ILRUN: variants seen among roughly 807,000 people sequenced by gnomAD.
The protein encoded by ILRUN is protein ILRUN.
Under a neutral mutation model 33.8 loss-of-function variants are expected in ILRUN, and 3 were observed. That is an observed-to-expected ratio of 0.09 (90% CI 0.04 to 0.23). ILRUN has a LOEUF of 0.23. Among genes scored for constraint, ILRUN ranks in the 10% least tolerant of loss-of-function variants. ILRUN has a pLI of 1.00. For missense variants in ILRUN, 210 were observed against 375.1 expected, an observed-to-expected ratio of 0.56 and a Z score of 3.64; for synonymous variants, 124 against 138.9, an observed-to-expected ratio of 0.89 and a Z score of 0.75.
intron 3 of ILRUN, among the ~76,000 whole-genome samples, chr6:34,643,785 C>G (rs193095532): frequency 6.6e-6 from 1 of 152,252 alleles, no homozygotes; most frequent in African/African-American, 2.4e-5. Context: ...TCATGGCAAC[C>G]TCCACCTCCC....
At chr6:34,683,454 A>ATATATATACG (rs1763430639) in intron 1 of ILRUN, among the ~76,000 whole-genome samples, 1 of 101,306 alleles carries the variant, frequency 9.9e-6, no homozygotes, top group African/African-American at 6.4e-5. Flanking sequence ...ATATATATAC[A>ATATATATACG]TATATATACA....
rs557568288 is a variant in ILRUN at position 34,630,254 on chromosome 6, G to C, written c.511+16347C>G. On this transcript the variant is annotated intron_variant, in intron 3 of 4. Coordinates refer to ENST00000374023, the MANE Select transcript of ILRUN (RefSeq NM_024294.4). ...GAATGGAATGCAATTTAAAACTTAA[G>C]AACTGTTTATTTCTGGAATTTTCCA... Among the ~76,000 whole-genome samples the C allele has an allele frequency of 2.0e-5, 3 of 152,252 alleles. No individual in the cohort carries two copies. In the East Asian group the frequency reaches 5.8e-4, roughly 29 times the overall value.
Position 34,590,535 on chromosome 6 carries a change from T to C in ILRUN, c.*30A>G. 1 of 1,613,870 alleles carries C rather than the reference T, an allele frequency of 6.2e-7. No individual in the cohort carries two copies. The highest frequency in any genetic ancestry group is 8.5e-7 in the Non-Finnish European group (1 of 1,179,806). ...CCCCCAAAGTCAGGCCTTCTGTCTT[T>C]TGTTAATTTTTCTTCTTGCTGACAC... On this transcript the variant is annotated 3_prime_UTR_variant, in exon 5 of 5. Transcript: ENST00000374023.
chr6:34,696,366 C>T (rs1763773428), intron 1 of ILRUN, 80 bp downstream of exon 1: 10 of 1,429,928 alleles, frequency 7.0e-6, no homozygotes, highest in Non-Finnish European at 9.3e-6. Flanking sequence ...CTCGCCCTGC[C>T]GCCAAGCTCA....
intron 3 of ILRUN, among the ~76,000 whole-genome samples, chr6:34,614,435 A>ATATATATATATATATAT (rs1289507613): frequency 3.9e-4 from 48 of 123,438 alleles, no homozygotes; most frequent in African/African-American, 1.2e-3. Context: ...AAATAATAAA[A>ATATATATATATATATAT]AAAAAAAAAT....
At chr6:34,643,143 A>G (rs1762505855) in intron 3 of ILRUN, among the ~76,000 whole-genome samples, 1 of 151,770 alleles carries the variant, frequency 6.6e-6, no homozygotes, top group African/African-American at 2.4e-5. Context: ...TGAAAATACA[A>G]AAACAATTAC....
intron 1 of ILRUN, among the ~76,000 whole-genome samples, chr6:34,670,571 C>T (rs985610276): frequency 6.6e-6 from 1 of 151,962 alleles, no homozygotes; most frequent in African/African-American, 2.4e-5. Context: ...GAGGATAGGG[C>T]CAGGTGTGGT....
chr6:34,594,272 T>A (rs1263736045), intron 4 of ILRUN, among the ~76,000 whole-genome samples: 2 of 152,104 alleles, frequency 1.3e-5, no homozygotes, highest in Non-Finnish European at 2.9e-5. Context: ...TGAATTCAAC[T>A]CGGACCCAAG....
chr6:34,612,956 T>C (rs988056811), intron 3 of ILRUN, among the ~76,000 whole-genome samples: 8 of 151,242 alleles, frequency 5.3e-5, no homozygotes, highest in Middle Eastern at 3.4e-3. Context: ...GGCAGGAGAA[T>C]GGCGTGAACC....
chr6:34,645,977 G>C (rs1251120678), intron 3 of ILRUN, among the ~76,000 whole-genome samples: 1 of 152,206 alleles, frequency 6.6e-6, no homozygotes, highest in African/African-American at 2.4e-5. Flanking sequence ...CAAAAAACTT[G>C]TGTAGTATGG....
intron 3 of ILRUN, among the ~76,000 whole-genome samples, chr6:34,639,526 A>G (rs1392920232): frequency 6.6e-6 from 1 of 152,204 alleles, no homozygotes; most frequent in Non-Finnish European, 1.5e-5. Context: ...CCCTTTGCCC[A>G]GAGTCCAATG....
At chr6:34,681,275 T>G (rs1763352940) in intron 1 of ILRUN, among the ~76,000 whole-genome samples, 1 of 152,030 alleles carries the variant, frequency 6.6e-6, no homozygotes, top group Non-Finnish European at 1.5e-5. Flanking sequence ...AAAGCACAAC[T>G]ATTCATTTTA....
chr6:34,650,608 G>A (rs1415465175), intron 2 of ILRUN, among the ~76,000 whole-genome samples: 2 of 151,550 alleles, frequency 1.3e-5, no homozygotes, highest in Non-Finnish European at 2.9e-5. Flanking sequence ...TTTTTTTGCA[G>A]TTTTAGTAGA....
intron 1 of ILRUN, among the ~76,000 whole-genome samples, chr6:34,683,354 T>C (rs1763413914): frequency 6.8e-6 from 1 of 148,062 alleles, no homozygotes; most frequent in Non-Finnish European, 1.5e-5. Flanking sequence ...TATATATAAT[T>C]TTACATACAT....
intron 3 of ILRUN, among the ~76,000 whole-genome samples, chr6:34,620,557 G>A (rs138718903): frequency 7.6e-4 from 115 of 152,250 alleles, no homozygotes; most frequent in African/African-American, 2.6e-3. Flanking sequence ...ATAAATTATT[G>A]CAGAGCACAG....
intron 3 of ILRUN, among the ~76,000 whole-genome samples, chr6:34,632,314 G>A (rs1165729641): frequency 1.3e-5 from 2 of 151,968 alleles, no homozygotes; most frequent in Admixed American, 6.6e-5. Flanking sequence ...GGTGGCACAC[G>A]CCTATAGTCC....
intron 3 of ILRUN, among the ~76,000 whole-genome samples, chr6:34,618,412 G>A (rs759194501): frequency 2.6e-5 from 4 of 152,126 alleles, no homozygotes; most frequent in Non-Finnish European, 5.9e-5. Flanking sequence ...CTTGCTTCAT[G>A]TCAACACCTA....
At position 34,692,003 on chromosome 6, in the gene ILRUN, A is replaced by T. The variant is rs1490094576; in HGVS notation, c.158+4443T>A. The stretch of plus-strand genomic sequence containing the variant: ...TTTTGAGACAGGGTCTCACTCTGCT[A>T]CCTGGGCAGGAGTGCAGCAGCACAA... On this transcript the variant is annotated intron_variant, in intron 1 of 4. Coordinates refer to ENST00000374023, the MANE Select transcript of ILRUN (RefSeq NM_024294.4). Among the ~76,000 whole-genome samples the T allele has an allele frequency of 2.0e-5, 3 of 152,114 alleles. No individual in the cohort carries two copies. In the East Asian group the frequency reaches 5.8e-4, roughly 29 times the overall value.
intron 3 of ILRUN, among the ~76,000 whole-genome samples, chr6:34,612,877 C>G (rs1475169505): frequency 6.6e-6 from 1 of 152,136 alleles, no homozygotes; most frequent in Non-Finnish European, 1.5e-5. Flanking sequence ...CCCATCTCTA[C>G]TAAAAATACA....
Sources: allele counts gnomAD v4.1 joint callset (sites outside exome capture counted in the v4.1 genomes callset), GRCh38; gene constraint gnomAD v4.1.1; transcripts MANE v1.5; gene names NCBI Gene and HGNC (gene_info 2026-07-23, HGNC 2026-07-21).